Variants in RIMS2 observed in about 807,000 individuals in gnomAD.
RIMS2 encodes regulating synaptic membrane exocytosis protein 2.
A neutral mutation model predicts 174.4 loss-of-function variants in RIMS2; 59 were observed. The observed-to-expected ratio is 0.34, with a 90% confidence interval of 0.27 to 0.42. RIMS2 has a LOEUF of 0.42. RIMS2 is among the 10% of genes least tolerant of loss of function. The probability of loss-of-function intolerance (pLI) is 1.00; values close to 1 mark genes in which losing one functional copy is unlikely to be tolerated. For missense variants in RIMS2, 1,620 were observed against 1,666.3 expected (o/e 0.97, Z 0.48); for synonymous variants, 606 against 572.5 (o/e 1.06, Z -0.84).
intron 19 of RIMS2, among the ~76,000 whole-genome samples, chr8:104,244,621 AT>A (rs1030534289): frequency 1.3e-5 from 2 of 151,960 alleles, no homozygotes; most frequent in Non-Finnish European, 2.9e-5. Context: ...AATAAGGCTT[AT>A]TTTTTTTCCT....
At chr8:104,103,165 G>A (rs1200108794) in intron 19 of RIMS2, among the ~76,000 whole-genome samples, 1 of 150,970 alleles carries the variant, frequency 6.6e-6, no homozygotes, top group African/African-American at 2.5e-5. Flanking sequence ...TCATTTATAT[G>A]AAATGTCCAG....
At chr8:103,687,442 C>G (rs1292674993) in intron 1 of RIMS2, among the ~76,000 whole-genome samples, 3 of 151,752 alleles carry the variant, frequency 2.0e-5, no homozygotes, top group Admixed American at 6.6e-5. Context: ...ACTTACACAA[C>G]ATGATGTTTT....
At chr8:103,727,168 T>G (rs2097536743) in intron 2 of RIMS2, among the ~76,000 whole-genome samples, 1 of 152,106 alleles carries the variant, frequency 6.6e-6, no homozygotes, top group South Asian at 2.1e-4. Context: ...TGAATGATAT[T>G]ATTTGAATTT....
intron 3 of RIMS2, among the ~76,000 whole-genome samples, chr8:103,837,263 C>T (rs112793226): frequency 9.1e-4 from 138 of 152,300 alleles, no homozygotes; most frequent in African/African-American, 3.0e-3. Flanking sequence ...TTGGGAAGAA[C>T]GTACTTCCAG....
intron 17 of RIMS2, among the ~76,000 whole-genome samples, chr8:104,004,888 G>A (rs995325425): frequency 6.6e-6 from 1 of 152,132 alleles, no homozygotes; most frequent in Non-Finnish European, 1.5e-5. Context: ...AATTAAGTTT[G>A]TTATTAAACC....
At chr8:103,519,709 G>A (rs1307515817) in intron 1 of RIMS2, among the ~76,000 whole-genome samples, 1 of 145,238 alleles carries the variant, frequency 6.9e-6, no homozygotes, top group African/African-American at 2.5e-5. Context: ...AGATCTCTCA[G>A]TACATGTTTT....
chr8:104,112,373 C>T (rs990739351), intron 19 of RIMS2, among the ~76,000 whole-genome samples: 15 of 152,048 alleles, frequency 9.9e-5, no homozygotes, highest in South Asian at 4.1e-4. Flanking sequence ...ATAGCTCATG[C>T]ATATGTAATA....
intron 1 of RIMS2, among the ~76,000 whole-genome samples, chr8:103,693,786 C>G (rs1294235406): frequency 6.6e-6 from 1 of 152,002 alleles, no homozygotes; most frequent in East Asian, 1.9e-4. Context: ...TGTTGTGGGC[C>G]GATTCATTTG....
chr8:104,037,192 A>G (rs1343433317), intron 19 of RIMS2, among the ~76,000 whole-genome samples: 1 of 152,148 alleles, frequency 6.6e-6, no homozygotes, highest in East Asian at 1.9e-4. Flanking sequence ...TGATCTTTGT[A>G]TCACTGAGGT....
chr8:103,697,260 T>C, exon 2 of RIMS2: 1 of 1,613,764 alleles, frequency 6.2e-7, no homozygotes, highest in Non-Finnish European at 8.5e-7. Context: ...AGTTCTGTGC[T>C]CGTTGTGGAG....
chr8:103,845,671 T>C (rs2098964229), intron 3 of RIMS2, among the ~76,000 whole-genome samples: 1 of 152,084 alleles, frequency 6.6e-6, no homozygotes, highest in Non-Finnish European at 1.5e-5. Flanking sequence ...TGCTTTTTGC[T>C]AGTTATAAGA....
At chr8:103,632,935 A>G (rs35519709) in intron 1 of RIMS2, among the ~76,000 whole-genome samples, 17,341 of 146,800 alleles carry the variant, frequency 0.12, 1,337 homozygotes, top group Non-Finnish European at 0.17. Context: ...GGGTTTCACT[A>G]TGTTAACCAG....
At chr8:103,949,894 T>C (rs1184278987) in intron 14 of RIMS2, among the ~76,000 whole-genome samples, 2 of 152,076 alleles carry the variant, frequency 1.3e-5, no homozygotes, top group African/African-American at 4.8e-5. Flanking sequence ...TTAGGCAAAA[T>C]GATCAGCAAA....
At chr8:103,935,973 G>A (rs191522021) in intron 12 of RIMS2, among the ~76,000 whole-genome samples, 13 of 152,266 alleles carry the variant, frequency 8.5e-5, no homozygotes, top group Admixed American at 7.8e-4. Flanking sequence ...ACATTGTGGT[G>A]ACTAGCTCAC....
chr8:103,774,585 A>T (rs528396208), intron 3 of RIMS2, among the ~76,000 whole-genome samples: 1 of 152,228 alleles, frequency 6.6e-6, no homozygotes, highest in Non-Finnish European at 1.5e-5. Flanking sequence ...CTTGGCACAA[A>T]AGAGTACATA....
intron 17 of RIMS2, among the ~76,000 whole-genome samples, chr8:103,994,672 G>A (rs988710533): frequency 6.6e-6 from 1 of 152,002 alleles, no homozygotes; most frequent in Non-Finnish European, 1.5e-5. Flanking sequence ...ATTTTAGAGG[G>A]CTTACTAAAA....
intron 19 of RIMS2, among the ~76,000 whole-genome samples, chr8:104,041,839 G>A (rs2096614491): frequency 6.6e-6 from 1 of 151,796 alleles, no homozygotes; most frequent in Admixed American, 6.6e-5. Context: ...GTTAAGAGAT[G>A]TGGATAACAT....
intron 1 of RIMS2, among the ~76,000 whole-genome samples, chr8:103,684,539 T>TTTTATTTTA (rs1554742033): frequency 7.4e-6 from 1 of 134,414 alleles, no homozygotes; most frequent in Non-Finnish European, 1.6e-5. Context: ...GTTCATACTT[T>TTTTATTTTA]TTTTATTTTA....
intron 1 of RIMS2, among the ~76,000 whole-genome samples, chr8:103,540,247 C>T (rs879443830): frequency 5.9e-5 from 9 of 152,170 alleles, no homozygotes; most frequent in Non-Finnish European, 1.3e-4. Context: ...CGAGACCCAA[C>T]ATGAAGAGGG....
Sources: allele counts gnomAD v4.1 joint callset (sites outside exome capture counted in the v4.1 genomes callset), GRCh38; gene constraint gnomAD v4.1.1; transcripts MANE v1.5; gene names NCBI Gene and HGNC (gene_info 2026-07-23, HGNC 2026-07-21).